BNC2: variants seen among roughly 807,000 people sequenced by gnomAD.
The protein encoded by BNC2 is basonuclin zinc finger protein 2.
In BNC2, 20 loss-of-function variants were observed where a neutral mutation model predicts 76.3. The ratio of observed to expected loss-of-function variants is 0.26; its 90% CI spans 0.18 to 0.38. The LOEUF is 0.38. Ranked by LOEUF, BNC2 falls within the 10% of genes least tolerant of loss-of-function variation. The pLI, the probability that BNC2 is intolerant of heterozygous loss-of-function variation, is 1.00. For synonymous variants in BNC2, 582 were observed against 514.8 expected, an observed-to-expected ratio of 1.13 and a Z score of -1.77; for missense variants, 1,382 against 1,399.8, an observed-to-expected ratio of 0.99 and a Z score of 0.20.
At chr9:16,542,358 C>A (rs115847818) in intron 5 of BNC2, among the ~76,000 whole-genome samples, 1 of 151,544 alleles carries the variant, frequency 6.6e-6, no homozygotes, top group Admixed American at 6.6e-5. Context: ...TCTACCTTGA[C>A]TGAAAAAAAG....
At chr9:16,611,589 T>C (rs1263996497) in intron 3 of BNC2, among the ~76,000 whole-genome samples, 2 of 152,070 alleles carry the variant, frequency 1.3e-5, no homozygotes, top group Non-Finnish European at 2.9e-5. Flanking sequence ...GTTTAAATGA[T>C]TGCATAAAGA....
chr9:16,539,123 G>C (rs1818222766), intron 5 of BNC2, among the ~76,000 whole-genome samples: 1 of 152,060 alleles, frequency 6.6e-6, no homozygotes, highest in Admixed American at 6.6e-5. Flanking sequence ...TTGTCTGTCT[G>C]TTTACTACTT....
chr9:16,436,191 T>C lies in BNC2; in HGVS notation c.2003A>G (p.Asn668Ser), dbSNP rs141312504. The C allele has an allele frequency of 9.9e-5, 160 of 1,614,196 alleles. No individual in the cohort carries two copies. The highest frequency in any genetic ancestry group is 2.6e-4 in the South Asian group (24 of 91,080). ...DDPNDGGAVV[N>S]DMSHDNHCHS... is the part of the protein sequence containing the mutation. ...ACAATGATTGTCATGGCTCATGTCA[T>C]TGACCACAGCTCCACCATCATTGGG... Residue 668 changes from asparagine to serine, a missense_variant, in exon 6 of 7, where the codon AAT becomes AGT. By Grantham distance (46) the Asn-to-Ser change is conservative (BLOSUM62 1). This residue lies in a region of BNC2 where 798 missense variants were observed against 775.5 expected (regional missense o/e 1.03). Transcript: ENST00000380672.
At chr9:16,476,568 T>TA (rs1221904525) in intron 5 of BNC2, among the ~76,000 whole-genome samples, 6,726 of 137,750 alleles carry the variant, frequency 0.049, 194 homozygotes, top group Non-Finnish European at 0.061. Context: ...TTGTTTTTTT[T>TA]AAAAAAAAAA....
chr9:16,710,340 T>C (rs1254219659), intron 3 of BNC2, among the ~76,000 whole-genome samples: 1 of 152,184 alleles, frequency 6.6e-6, no homozygotes, highest in Non-Finnish European at 1.5e-5. Flanking sequence ...CCATTGAAAA[T>C]AAATATTAGA....
At chr9:16,769,919 G>A (rs1230083995) in intron 1 of BNC2, among the ~76,000 whole-genome samples, 1 of 152,152 alleles carries the variant, frequency 6.6e-6, no homozygotes. Flanking sequence ...TCCAGGATAA[G>A]TGGAGCCCTC....
chr9:16,450,753 T>G (rs1821323686), intron 5 of BNC2, among the ~76,000 whole-genome samples: 1 of 152,298 alleles, frequency 6.6e-6, no homozygotes, highest in Middle Eastern at 3.4e-3. Flanking sequence ...AAGGGAAACA[T>G]GAAAGCCAGA....
At chr9:16,677,055 T>G (rs1274472530) in intron 3 of BNC2, among the ~76,000 whole-genome samples, 2 of 152,234 alleles carry the variant, frequency 1.3e-5, no homozygotes, top group Non-Finnish European at 2.9e-5. Context: ...TATTTAATTT[T>G]TCAAGATATG....
chr9:16,482,333 C>G (rs1268416799), intron 5 of BNC2, among the ~76,000 whole-genome samples: 1 of 151,894 alleles, frequency 6.6e-6, no homozygotes, highest in African/African-American at 2.4e-5. Context: ...ATAAATAAAT[C>G]AAATTGGTAT....
chr9:16,604,904 A>G (rs554815058), intron 3 of BNC2, among the ~76,000 whole-genome samples: 11 of 152,308 alleles, frequency 7.2e-5, no homozygotes, highest in African/African-American at 2.6e-4. Flanking sequence ...CAAGACAAAA[A>G]TACTTGTGGG....
intron 1 of BNC2, among the ~76,000 whole-genome samples, chr9:16,869,590 C>G (rs567496863): frequency 2.6e-5 from 4 of 152,314 alleles, no homozygotes; most frequent in Non-Finnish European, 5.9e-5. Flanking sequence ...ACGGAATACA[C>G]CATGTCAGAT....
Position 16,843,492 on chromosome 9 carries a change from C to T in BNC2, c.3+27154G>A, listed in dbSNP as rs534917422. Among the ~76,000 whole-genome samples, 3 of 152,298 alleles carry T rather than the reference C, an allele frequency of 2.0e-5. No individual in the cohort carries two copies. In the East Asian group the frequency reaches 5.8e-4, roughly 29 times the overall value. ...GGGATTACAGGTGCACACTACCACA[C>T]CCAGCTAATTTCTGTATTTTTAGTA... is the stretch of plus-strand genomic sequence containing the variant. On this transcript the variant is annotated intron_variant, in intron 1 of 6. Coordinates refer to ENST00000380672, the MANE Select transcript of BNC2 (RefSeq NM_017637.6).
intron 1 of BNC2, among the ~76,000 whole-genome samples, chr9:16,863,428 G>A (rs543956072): frequency 2.6e-5 from 4 of 151,850 alleles, no homozygotes; most frequent in Admixed American, 1.3e-4. Flanking sequence ...CTCACTGTGG[G>A]ATCACACTGT....
chr9:16,481,624 G>A (rs939915311), intron 5 of BNC2, among the ~76,000 whole-genome samples: 6 of 152,168 alleles, frequency 3.9e-5, no homozygotes, highest in Admixed American at 6.5e-5. Context: ...ACACACCATC[G>A]CTGATATCAC....
At chr9:16,802,381 T>C (rs1454740893) in intron 1 of BNC2, among the ~76,000 whole-genome samples, 1 of 152,246 alleles carries the variant, frequency 6.6e-6, no homozygotes, top group Non-Finnish European at 1.5e-5. Context: ...ACACTTGCAA[T>C]GCAGCCAGGC....
At chr9:16,588,335 CA>C (rs1272279917) in intron 3 of BNC2, among the ~76,000 whole-genome samples, 6 of 152,196 alleles carry the variant, frequency 3.9e-5, no homozygotes, top group African/African-American at 1.2e-4. Flanking sequence ...AATTGCTTAA[CA>C]CATATTTAGT....
intron 3 of BNC2, among the ~76,000 whole-genome samples, chr9:16,611,033 C>T (rs2133425598): frequency 6.6e-6 from 1 of 152,090 alleles, no homozygotes; most frequent in East Asian, 1.9e-4. Flanking sequence ...ACAGACTGAA[C>T]ACAGCAGTTC....
At chr9:16,644,691 TAAGAGCATC>T (rs1821577075) in intron 3 of BNC2, among the ~76,000 whole-genome samples, 1 of 152,200 alleles carries the variant, frequency 6.6e-6, no homozygotes, top group Non-Finnish European at 1.5e-5. Flanking sequence ...AGTGTCAGTC[TAAGAGCATC>T]AAGAGAGAAA....
At chr9:16,602,888 C>T (rs560816811) in intron 3 of BNC2, among the ~76,000 whole-genome samples, 1 of 152,302 alleles carries the variant, frequency 6.6e-6, no homozygotes, top group South Asian at 2.1e-4. Flanking sequence ...TCATCTACTG[C>T]TCTTTTCTAT....
Sources: allele counts gnomAD v4.1 joint callset (sites outside exome capture counted in the v4.1 genomes callset), GRCh38; gene constraint gnomAD v4.1.1; regional missense constraint gnomAD v4.1.1; transcripts MANE v1.5; gene names NCBI Gene and HGNC (gene_info 2026-07-23, HGNC 2026-07-21).